ABTB3: variants seen among roughly 807,000 people sequenced by gnomAD.
ABTB3 encodes the protein ankyrin repeat- and BTB/POZ domain-containing protein 3.
chr12:107,566,166 A>G, the ABTB3 span, among the ~76,000 whole-genome samples: 1 of 152,008 alleles, frequency 6.6e-6, no homozygotes, highest in African/African-American at 2.4e-5. Flanking sequence ...TCCTGCTCTT[A>G]TCTTTTCCTT....
chr12:107,642,010 T>C, the ABTB3 span: 9 of 1,297,380 alleles, frequency 6.9e-6, no homozygotes, highest in South Asian at 5.9e-5. Flanking sequence ...GGTATTTCCA[T>C]TGTCAGGAGA....
At chr12:107,362,641 A>G in the ABTB3 span, among the ~76,000 whole-genome samples, 1 of 152,100 alleles carries the variant, frequency 6.6e-6, no homozygotes, top group Non-Finnish European at 1.5e-5. Flanking sequence ...AAATATTTAA[A>G]AATTAGTCTG....
At chr12:107,655,083 A>G in the ABTB3 span, among the ~76,000 whole-genome samples, 1 of 152,002 alleles carries the variant, frequency 6.6e-6, no homozygotes, top group Admixed American at 6.6e-5. Flanking sequence ...TCTGTGGCCT[A>G]CCACCTTGGC....
chr12:107,556,807 T>C, the ABTB3 span, among the ~76,000 whole-genome samples: 1 of 151,944 alleles, frequency 6.6e-6, no homozygotes, highest in African/African-American at 2.4e-5. Context: ...GGTCAGGAGT[T>C]CGAGACCAGT....
At chr12:107,609,008 AAT>A in the ABTB3 span, among the ~76,000 whole-genome samples, 15,559 of 133,754 alleles carry the variant, frequency 0.12, 1,678 homozygotes, top group African/African-American at 0.28. Flanking sequence ...AATAAAATAA[AAT>A]AAAGACACAG....
chr12:107,392,130 G>A, the ABTB3 span, among the ~76,000 whole-genome samples: 2 of 152,192 alleles, frequency 1.3e-5, no homozygotes, highest in East Asian at 3.9e-4. Flanking sequence ...AGAGCACACA[G>A]TAAGTGCTTA....
chr12:107,502,409 G>C, the ABTB3 span, among the ~76,000 whole-genome samples: 1 of 151,972 alleles, frequency 6.6e-6, no homozygotes, highest in Non-Finnish European at 1.5e-5. Context: ...TTATTCTCAT[G>C]CATCCTTAAT....
chr12:107,642,617 T>C, the ABTB3 span, among the ~76,000 whole-genome samples: 1 of 152,138 alleles, frequency 6.6e-6, no homozygotes, highest in South Asian at 2.1e-4. Context: ...ACAGGAAGGA[T>C]AGGGCTCAAG....
chr12:107,630,733 T>C, the ABTB3 span, among the ~76,000 whole-genome samples: 10 of 152,216 alleles, frequency 6.6e-5, no homozygotes, highest in African/African-American at 2.4e-4. Context: ...CCACACCGGG[T>C]TTTTAAAATA....
At chr12:107,346,480 G>A in the ABTB3 span, among the ~76,000 whole-genome samples, 1,843 of 151,518 alleles carry the variant, frequency 0.012, 34 homozygotes, top group African/African-American at 0.043. Flanking sequence ...TTTTTTTTCA[G>A]ATAGAGGCTT....
At chr12:107,649,502 CT>C in the ABTB3 span, 78 of 524,464 alleles carry the variant, frequency 1.5e-4, no homozygotes, top group Non-Finnish European at 2.5e-4. Flanking sequence ...AGTGCACTTG[CT>C]TGCCTGACTG....
the ABTB3 span, among the ~76,000 whole-genome samples, chr12:107,491,430 G>C: frequency 6.6e-6 from 1 of 152,142 alleles, no homozygotes; most frequent in African/African-American, 2.4e-5. Context: ...CTTCATACCA[G>C]GCCTTGTGCT....
At chr12:107,646,113 A>G in the ABTB3 span, among the ~76,000 whole-genome samples, 1 of 152,256 alleles carries the variant, frequency 6.6e-6, no homozygotes, top group African/African-American at 2.4e-5. Context: ...CTGAGGCTGC[A>G]CCTGGAAGTG....
the ABTB3 span, among the ~76,000 whole-genome samples, chr12:107,654,910 A>G: frequency 6.7e-6 from 1 of 149,566 alleles, no homozygotes; most frequent in Non-Finnish European, 1.5e-5. Flanking sequence ...CTCAGGACAC[A>G]AGCATTTTTT....
chr12:107,481,180 G>A, the ABTB3 span, among the ~76,000 whole-genome samples: 454 of 152,242 alleles, frequency 3.0e-3, 3 homozygotes, highest in African/African-American at 0.01. Context: ...TGCTTTGGAG[G>A]AAAAAGAAGT....
At chr12:107,616,966 C>T in the ABTB3 span, 6 of 949,860 alleles carry the variant, frequency 6.3e-6, no homozygotes, top group East Asian at 2.4e-5. Flanking sequence ...AGCCTGTGCA[C>T]GCTGTCACCA....
At chr12:107,639,808 T>C in the ABTB3 span, among the ~76,000 whole-genome samples, 29 of 152,344 alleles carry the variant, frequency 1.9e-4, no homozygotes, top group East Asian at 3.7e-3. Flanking sequence ...TGCAACCAGG[T>C]TGCATATCAT....
chr12:107,502,596 A>G, the ABTB3 span, among the ~76,000 whole-genome samples: 2 of 152,142 alleles, frequency 1.3e-5, no homozygotes, highest in Non-Finnish European at 2.9e-5. Context: ...GGGGTCCCCA[A>G]ACCCCAGCCC....
At chr12:107,414,055 T>C in the ABTB3 span, among the ~76,000 whole-genome samples, 1 of 151,818 alleles carries the variant, frequency 6.6e-6, no homozygotes, top group African/African-American at 2.4e-5. Context: ...ATGGAAAGAG[T>C]ATGTATTAGT....
Sources: gnomAD v4.1 joint callset for allele counts (sites outside exome capture counted in the v4.1 genomes callset) on GRCh38, gnomAD v4.1.1 for gene constraint, MANE v1.5 for transcripts, NCBI Gene and HGNC (gene_info 2026-07-23, HGNC 2026-07-21) for gene names.